The following TCF7L2 variants were observed in gnomAD, a reference collection of about 807,000 sequenced individuals.
The protein encoded by TCF7L2 is transcription factor 7-like 2.
In TCF7L2, 23 loss-of-function variants were observed where a neutral mutation model predicts 77.9. The observed-to-expected ratio is 0.30, with a 90% confidence interval of 0.21 to 0.42. TCF7L2 has a LOEUF of 0.42. Ranked by LOEUF, TCF7L2 falls within the 10% of genes least tolerant of loss-of-function variation. The probability of loss-of-function intolerance (pLI) is 1.00; values close to 1 mark genes in which losing one functional copy is unlikely to be tolerated. For missense variants in TCF7L2, 654 were observed against 793.1 expected (o/e 0.82, Z 2.11); for synonymous variants, 413 against 340.2 (o/e 1.21, Z -2.36).
intron 4 of TCF7L2, among the ~76,000 whole-genome samples, chr10:113,035,183 T>A (rs149622610): frequency 7.4e-4 from 112 of 152,160 alleles, no homozygotes; most frequent in Admixed American, 1.4e-3. Context: ...AGCCAAAGGG[T>A]TCAGGATTTT....
chr10:112,950,686 G>A lies in TCF7L2; in HGVS notation c.-71G>A, dbSNP rs1215026759. ...TTTTTGGGGGGGCAAAACTTTTTGG[G>A]GGTGATTTTTTTTGGCTTTTCTTCC... On this transcript the variant is annotated 5_prime_UTR_variant, in exon 1 of 14. Transcript: ENST00000627217. The A allele has an allele frequency of 1.3e-6, 2 of 1,510,682 alleles. No individual in the cohort carries two copies. The highest frequency in any genetic ancestry group is 1.3e-5 in the South Asian group (1 of 78,814). 93.6% of individuals were successfully genotyped at this position (1,510,682 alleles called of 1,614,324 possible). A position where few individuals can be genotyped will look rare whatever the true frequency, so the allele number is the denominator to read the frequency against.
intron 4 of TCF7L2, among the ~76,000 whole-genome samples, chr10:113,038,475 T>C (rs1479577819): frequency 1.3e-5 from 2 of 152,176 alleles, no homozygotes; most frequent in African/African-American, 4.8e-5. Flanking sequence ...CTTCCAGCTT[T>C]AGGTATAACC....
chr10:112,965,470 G>GA (rs1260330924), intron 4 of TCF7L2, among the ~76,000 whole-genome samples: 1 of 152,170 alleles, frequency 6.6e-6, no homozygotes, highest in Admixed American at 6.5e-5. Flanking sequence ...TTAACCCTTT[G>GA]AAGGGATTCT....
At chr10:113,113,679 A>G (rs1305028801) in intron 5 of TCF7L2, among the ~76,000 whole-genome samples, 1 of 152,200 alleles carries the variant, frequency 6.6e-6, no homozygotes, top group African/African-American at 2.4e-5. Flanking sequence ...GCAGCATTTA[A>G]AGAAATTAAA....
chr10:113,134,403 C>T lies in TCF7L2; in HGVS notation c.553-6781C>T, dbSNP rs140952118. ...CATGCAGGCCTAGGCCTAGGTTGCACTGGCTGTGTCTCCTGTGGCCATCCC... is the reference window on the plus strand; with the variant it reads ...CATGCAGGCCTAGGCCTAGGTTGCATTGGCTGTGTCTCCTGTGGCCATCCC... On this transcript the variant is annotated intron_variant, in intron 5 of 13. Transcript: ENST00000627217. Among the ~76,000 whole-genome samples the T allele has an allele frequency of 2.0e-5, 3 of 152,348 alleles. No homozygotes were observed. In the East Asian group the frequency reaches 5.8e-4, roughly 29 times the overall value.
At chr10:113,117,424 TC>T (rs1564916504) in intron 5 of TCF7L2, among the ~76,000 whole-genome samples, 6 of 33,454 alleles carry the variant, frequency 1.8e-4, no homozygotes, top group African/African-American at 7.7e-4. Context: ...TCTCTCTCTC[TC>T]TCTCTCTCCC....
intron 4 of TCF7L2, among the ~76,000 whole-genome samples, chr10:112,984,485 G>A (rs1167814747): frequency 6.6e-6 from 1 of 152,074 alleles, no homozygotes; most frequent in East Asian, 1.9e-4. Flanking sequence ...TCCTCTAAGT[G>A]ATGATTTATT....
chr10:113,075,413 C>T (rs754687346), intron 5 of TCF7L2, among the ~76,000 whole-genome samples: 9 of 151,310 alleles, frequency 5.9e-5, no homozygotes, highest in African/African-American at 1.7e-4. Context: ...GAGCTGAGAT[C>T]GTGCCATTGC....
intron 5 of TCF7L2, among the ~76,000 whole-genome samples, chr10:113,104,702 C>T (rs1230389480): frequency 6.6e-6 from 1 of 152,186 alleles, no homozygotes; most frequent in Admixed American, 6.5e-5. Context: ...CTGAGCTCTA[C>T]ACCTGGATGT....
intron 4 of TCF7L2, among the ~76,000 whole-genome samples, chr10:113,015,423 C>T (rs1042724958): frequency 2.0e-5 from 3 of 148,686 alleles, no homozygotes; most frequent in Non-Finnish European, 4.5e-5. Context: ...GATCCTCCTG[C>T]TGGGCTTTTC....
chr10:113,112,716 A>G (rs780071751), intron 5 of TCF7L2, among the ~76,000 whole-genome samples: 9 of 152,156 alleles, frequency 5.9e-5, no homozygotes, highest in Non-Finnish European at 1.2e-4. Context: ...AAACCAAGCA[A>G]TTTCAGAATG....
At chr10:112,974,644 C>T (rs1211366914) in intron 4 of TCF7L2, among the ~76,000 whole-genome samples, 1 of 152,120 alleles carries the variant, frequency 6.6e-6, no homozygotes. Context: ...GGGGTTTCAC[C>T]ATCTTGACCA....
Position 113,152,325 on chromosome 10 carries a change from C to A in TCF7L2, c.1162-8C>A, listed in dbSNP as rs1431151345. On this transcript the variant is annotated splice_polypyrimidine_tract_variant and splice_region_variant and intron_variant, in intron 10 of 13. Coordinates refer to ENST00000627217, the MANE Select transcript of TCF7L2 (RefSeq NM_001146274.2). ...GTCTTTCTCATCTGTACCCCACGTC[C>A]CCTCCAGTGGCATGCACTGTCCAGA... 2 of 1,610,670 alleles carry A rather than the reference C, an allele frequency of 1.2e-6. No homozygotes were observed. The highest frequency in any genetic ancestry group is 1.3e-5 in the African/African-American group (1 of 74,960).
intron 5 of TCF7L2, among the ~76,000 whole-genome samples, chr10:113,127,564 T>C (rs1333408996): frequency 2.0e-5 from 3 of 151,660 alleles, no homozygotes; most frequent in Non-Finnish European, 2.9e-5. Context: ...TTTGTTGTTG[T>C]TGTTTTGTTT....
At chr10:113,022,577 G>A (rs1056992337) in intron 4 of TCF7L2, among the ~76,000 whole-genome samples, 3 of 152,124 alleles carry the variant, frequency 2.0e-5, no homozygotes, top group Admixed American at 6.5e-5. Flanking sequence ...CCCCTTAAGC[G>A]GTGGTTAATA....
intron 4 of TCF7L2, among the ~76,000 whole-genome samples, chr10:113,036,395 CCT>C (rs2051261094): frequency 6.6e-6 from 1 of 152,030 alleles, no homozygotes; most frequent in Non-Finnish European, 1.5e-5. Context: ...GCCTTTTCTC[CCT>C]GTTTTCATTG....
chr10:113,076,365 T>G (rs969755077), intron 5 of TCF7L2, among the ~76,000 whole-genome samples: 16 of 152,298 alleles, frequency 1.1e-4, no homozygotes, highest in Admixed American at 2.0e-4. Flanking sequence ...TTCGAACTCC[T>G]GGCCTCAAGT....
In TCF7L2 at chr10:113,143,880, T is replaced by C. The variant is rs1288407684; in HGVS notation, c.686-43T>C. 8 of 1,518,034 alleles carry C rather than the reference T, an allele frequency of 5.3e-6. No homozygotes were observed. The South Asian group carries it at 9.1e-5, about 17-fold the overall frequency. 94.0% of individuals were successfully genotyped at this position (1,518,034 alleles called of 1,614,324 possible). On this transcript the variant is annotated intron_variant, in intron 6 of 13. Transcript: ENST00000627217. ...CATCCCCTAATGGATTGCTCTTTCCTTCTCTCCCTCCTTTGTACCTAAAAT... is the reference window on the plus strand; with the variant it reads ...CATCCCCTAATGGATTGCTCTTTCCCTCTCTCCCTCCTTTGTACCTAAAAT...
At chr10:113,069,104 C>A (rs1303299696) in intron 5 of TCF7L2, among the ~76,000 whole-genome samples, 1 of 151,812 alleles carries the variant, frequency 6.6e-6, no homozygotes, top group Non-Finnish European at 1.5e-5. Flanking sequence ...AAAGGAGGGC[C>A]CAGGGCTGGC....
Sources: allele counts gnomAD v4.1 joint callset (sites outside exome capture counted in the v4.1 genomes callset), GRCh38; gene constraint gnomAD v4.1.1; transcripts MANE v1.5; gene names NCBI Gene and HGNC (gene_info 2026-07-23, HGNC 2026-07-21).